UST: variants seen among roughly 807,000 people sequenced by gnomAD.
UST encodes the protein uronyl 2-sulfotransferase, also known as chondroitin sulfate 2-O-sulfotransferase.
UST carries 21 observed loss-of-function variants against 45.6 expected under a neutral mutation model. The ratio of observed to expected loss-of-function variants is 0.46; its 90% CI spans 0.33 to 0.66. UST has a LOEUF of 0.66. Among genes scored for constraint, UST ranks in the 30% least tolerant of loss-of-function variants. The pLI is 0.02. For synonymous variants in UST, 215 were observed against 200.6 expected (o/e 1.07, Z -0.61); for missense variants, 463 against 512.4 (o/e 0.90, Z 0.93).
chr6:149,044,886 G>T (rs1776376032), intron 7 of UST, among the ~76,000 whole-genome samples: 1 of 152,186 alleles, frequency 6.6e-6, no homozygotes, highest in Admixed American at 6.5e-5. Flanking sequence ...TTGCAAAGTG[G>T]AATCCACCCA....
intron 1 of UST, among the ~76,000 whole-genome samples, chr6:148,840,252 T>C (rs1460623450): frequency 6.6e-6 from 1 of 152,194 alleles, no homozygotes; most frequent in Non-Finnish European, 1.5e-5. Flanking sequence ...GAGATGCTGC[T>C]TCTGGTGCTC....
chr6:148,982,623 A>T (rs1406723624), intron 5 of UST, among the ~76,000 whole-genome samples: 2 of 152,226 alleles, frequency 1.3e-5, no homozygotes, highest in Non-Finnish European at 2.9e-5. Flanking sequence ...GTCTCAGAGT[A>T]CATCACTCCA....
intron 4 of UST, 70 bp from the exon 5 acceptor site, chr6:148,964,340 G>C: frequency 6.4e-7 from 1 of 1,569,946 alleles, no homozygotes; most frequent in Non-Finnish European, 8.7e-7. Context: ...GGGAAGGGGA[G>C]ATGTTGTCTA....
At chr6:148,820,932 T>G (rs1193005437) in intron 1 of UST, among the ~76,000 whole-genome samples, 1 of 151,334 alleles carries the variant, frequency 6.6e-6, no homozygotes, top group East Asian at 1.9e-4. Flanking sequence ...GATCATGTAT[T>G]ACATGTAATT....
intron 7 of UST, among the ~76,000 whole-genome samples, chr6:149,034,325 G>A (rs142525075): frequency 6.6e-6 from 1 of 152,162 alleles, no homozygotes; most frequent in Non-Finnish European, 1.5e-5. Flanking sequence ...GCCGCATTCA[G>A]TATTACTTTT....
chr6:148,786,650 T>A (rs1032093119), intron 1 of UST, among the ~76,000 whole-genome samples: 9 of 152,230 alleles, frequency 5.9e-5, no homozygotes, highest in African/African-American at 1.9e-4. Flanking sequence ...GATGAGCATT[T>A]AGGTTGATTC....
chr6:148,923,335 G>A (rs1214275052), intron 2 of UST, among the ~76,000 whole-genome samples: 3 of 152,146 alleles, frequency 2.0e-5, no homozygotes, highest in Non-Finnish European at 4.4e-5. Context: ...TCTATGTTTA[G>A]CTTTTTGAGG....
At chr6:148,929,281 G>C (rs959036240) in intron 2 of UST, among the ~76,000 whole-genome samples, 32 of 152,160 alleles carry the variant, frequency 2.1e-4, no homozygotes, top group African/African-American at 7.7e-4. Context: ...AGTGAGTCCT[G>C]ATTAATCTAA....
chr6:148,931,260 A>G (rs1027564878), intron 2 of UST, among the ~76,000 whole-genome samples: 4 of 152,278 alleles, frequency 2.6e-5, no homozygotes, highest in African/African-American at 9.6e-5. Context: ...CTCAGAGTAT[A>G]AATTGTTAAC....
At chr6:148,869,115 C>T (rs1778502142) in intron 1 of UST, among the ~76,000 whole-genome samples, 1 of 152,160 alleles carries the variant, frequency 6.6e-6, no homozygotes, top group African/African-American at 2.4e-5. Context: ...CACATTCTTC[C>T]CCTGCATTCT....
intron 3 of UST, among the ~76,000 whole-genome samples, chr6:148,953,631 C>T (rs1180423294): frequency 2.6e-5 from 4 of 151,854 alleles, no homozygotes; most frequent in East Asian, 1.9e-4. Context: ...ATTAGCCGGG[C>T]GTGGTGGCGG....
At chr6:148,850,125 T>C (rs1320967871) in intron 1 of UST, among the ~76,000 whole-genome samples, 1 of 152,216 alleles carries the variant, frequency 6.6e-6, no homozygotes, top group Non-Finnish European at 1.5e-5. Context: ...TCTATGAGTG[T>C]AGTGTTTTCA....
chr6:148,842,269 C>T (rs1228495876), intron 1 of UST, among the ~76,000 whole-genome samples: 1 of 152,196 alleles, frequency 6.6e-6, no homozygotes, highest in Non-Finnish European at 1.5e-5. Flanking sequence ...AGGTAGGCCT[C>T]AGTTAATTTG....
In UST at chr6:149,014,899, A is replaced by G. The variant is rs113166350; in HGVS notation, c.682-4240A>G. On this transcript the variant is annotated intron_variant, in intron 5 of 7. Transcript: ENST00000367463. ...CCATTGTTATCCCTGTTGCACTGTC[A>G]ATAGGAGTCCTCCAAGGAGAGCAAG... Among the ~76,000 whole-genome samples, 181 of 152,272 alleles carry G rather than the reference A, an allele frequency of 1.2e-3. 1 individual carries two copies. The highest frequency in any genetic ancestry group is 2.0e-3 in the Non-Finnish European group (133 of 68,024).
chr6:148,959,473 G>A (rs1414979100), intron 4 of UST, among the ~76,000 whole-genome samples: 1 of 152,194 alleles, frequency 6.6e-6, no homozygotes, highest in African/African-American at 2.4e-5. Context: ...ACAAGTGCGA[G>A]TTTTCTCTGG....
At chr6:148,789,634 C>T (rs1270113343) in intron 1 of UST, among the ~76,000 whole-genome samples, 4 of 152,246 alleles carry the variant, frequency 2.6e-5, no homozygotes, top group African/African-American at 9.6e-5. Context: ...ACTGCAGCTT[C>T]TACCTCACAG....
At chr6:148,755,875 A>T (rs1776085988) in intron 1 of UST, among the ~76,000 whole-genome samples, 1 of 152,052 alleles carries the variant, frequency 6.6e-6, no homozygotes, top group Non-Finnish European at 1.5e-5. Flanking sequence ...TTTTAATTAT[A>T]CTTTAAGTTC....
chr6:148,958,240 T>A (rs1284224882), intron 4 of UST, among the ~76,000 whole-genome samples: 1 of 152,176 alleles, frequency 6.6e-6, no homozygotes, highest in Non-Finnish European at 1.5e-5. Context: ...TTTTTAGAGT[T>A]AGAAGGAACC....
At chr6:148,967,036 C>A (rs1357479953) in intron 5 of UST, among the ~76,000 whole-genome samples, 1 of 152,120 alleles carries the variant, frequency 6.6e-6, no homozygotes, top group African/African-American at 2.4e-5. Context: ...CCGTGCCCAG[C>A]CTGGTTTGGA....
Sources: gnomAD v4.1 joint callset for allele counts (sites outside exome capture counted in the v4.1 genomes callset) on GRCh38, gnomAD v4.1.1 for gene constraint, MANE v1.5 for transcripts, NCBI Gene and HGNC (gene_info 2026-07-23, HGNC 2026-07-21) for gene names.